DACT2: variants seen among roughly 807,000 people sequenced by gnomAD.
The protein encoded by DACT2 is dishevelled binding antagonist of beta catenin 2.
Under a neutral mutation model 22.2 loss-of-function variants are expected in DACT2, and 20 were observed. The observed-to-expected ratio is 0.90, with a 90% CI of 0.63 to 1.31. DACT2 has a LOEUF of 1.31. Ranked by LOEUF, DACT2 falls within the 50% of genes most tolerant of loss-of-function variation. The probability of loss-of-function intolerance (pLI) is 0.00; values close to 1 mark genes in which losing one functional copy is unlikely to be tolerated. For missense variants in DACT2, 1,048 were observed against 1,061.4 expected (o/e 0.99, Z 0.18); for synonymous variants, 463 against 479.8 (o/e 0.96, Z 0.46).
exon 6 of DACT2, chr6:168,293,665 A>T: frequency 1.8e-6 from 1 of 563,110 alleles, no homozygotes; most frequent in Non-Finnish European, 3.2e-6. Context: ...TCTTACGTCC[A>T]TTACTCCCTC....
At chr6:168,305,302 G>A (rs569275495), downstream of DACT2, among the ~76,000 whole-genome samples, 12 of 152,138 alleles carry the variant, frequency 7.9e-5, no homozygotes, top group Non-Finnish European at 1.3e-4. Context: ...GCACCCCTCC[G>A]GGCTGCAGGT....
chr6:168,300,965 G>A (rs577854315), intron 3 of DACT2, among the ~76,000 whole-genome samples: 16 of 152,158 alleles, frequency 1.1e-4, no homozygotes, highest in Admixed American at 3.3e-4. Flanking sequence ...CAGCCTGGGC[G>A]ACAGATTGAC....
chr6:168,308,100 C>A lies in DACT2; in HGVS notation c.1657G>T (p.Ala553Ser), dbSNP rs574255349. ...CAGGAGCGCCCGGGTGCCTCCCAGG[C>A]CAGGGCTGGCCTCCGCTGGAGCCCG... ...RGGLQRRPAL[A>S]WEAPGRSCSE... The change falls in exon 4 of 4, where the codon GCC becomes TCC. Residue 553 changes from alanine (A) to serine (S), a missense_variant. Coordinates refer to ENST00000366795, the MANE Select transcript of DACT2 (RefSeq NM_214462.5). 6.5e-7 allele frequency: 1 copy of A among 1,545,258 alleles called. No individual in the cohort carries two copies. The highest frequency in any genetic ancestry group is 2.5e-5 in the East Asian group (1 of 40,760).
At chr6:168,309,471 C>CGGA (rs1554271389) in intron 3 of DACT2, among the ~76,000 whole-genome samples, 1 of 61,986 alleles carries the variant, frequency 1.6e-5, no homozygotes. Flanking sequence ...GTGCGGGGCC[C>CGGA]TATTTGCGCC....
At position 168,308,048 on chromosome 6, in the gene DACT2, G is replaced by A. The variant is rs900387894; in HGVS notation, c.1709C>T (p.Pro570Leu). 1 of 1,548,734 alleles carries A rather than the reference G, an allele frequency of 6.5e-7. No homozygotes were observed. Among genetic ancestry groups the A allele is most frequent in the Non-Finnish European group, 8.7e-7 (1 of 1,145,408 alleles). Reference sequence around the variant, plus strand: ...GGCCACTGCCAAGGGGACGAGGACAGGCATGGGGTAGAGGGTGGACTCAGA... The same window carrying A: ...GGCCACTGCCAAGGGGACGAGGACAAGCATGGGGTAGAGGGTGGACTCAGA... ...SCSESTLYPM[P>L]VLVPLAVAPQ... Residue 570 changes from proline to leucine, a missense_variant, in exon 4 of 4, where the codon CCT (proline) becomes CTT (leucine). By Grantham distance (98) the Pro-to-Leu change is moderately conservative. Coordinates refer to ENST00000366795, the MANE Select transcript of DACT2 (RefSeq NM_214462.5).
intron 3 of DACT2, chr6:168,299,403 AG>A (rs1277662789): frequency 3.3e-5 from 5 of 152,236 alleles, no homozygotes; most frequent in African/African-American, 1.2e-4. Context: ...ACAAACTCTG[AG>A]GATCTGCCTG....
Position 168,316,248 on chromosome 6 carries a change from G to A in DACT2, c.246+3140C>T, listed in dbSNP as rs116983851. 5.3e-4 allele frequency among the ~76,000 whole-genome samples: 80 copies of A among 151,344 alleles called. 1 individual carries two copies. In the East Asian group the frequency reaches 7.6e-3, roughly 14 times the overall value. The stretch of plus-strand genomic sequence containing the variant: ...ACAGAACAGTTGAAGCCAGCATCTC[G>A]GCAGCACCTCCCTTCCCATGTGTGT... On this transcript the variant is annotated intron_variant, in intron 1 of 3. Coordinates refer to ENST00000366795, the MANE Select transcript of DACT2 (RefSeq NM_214462.5).
In DACT2 at chr6:168,307,651, G is replaced by A. The variant is rs778690232; in HGVS notation, c.2106C>T (p.Ser702=). The stretch of plus-strand genomic sequence containing the variant: ...TGCTCTGGGCGCCGCCCTCCTCGTC[G>A]CTGCTGCTGGACTCACGGTCTCCGA... The part of the protein sequence containing the change: ...NRFGDRESSS[S]DEEGGAQSRD... The change falls in exon 4 of 4, where the codon AGC becomes AGT. Residue 702 remains serine, a synonymous_variant. Transcript: ENST00000366795. This position sits in a 1 kb window ranked among gnomAD's most constrained non-coding sequence, Gnocchi z 5.3. 37 of 1,547,436 alleles carry A rather than the reference G, an allele frequency of 2.4e-5. No individual in the cohort carries two copies. In the African/African-American group the frequency reaches 3.4e-4, roughly 14 times the overall value.
At chr6:168,306,345 C>T (rs563086712), downstream of DACT2, among the ~76,000 whole-genome samples, 8 of 152,190 alleles carry the variant, frequency 5.3e-5, no homozygotes, top group African/African-American at 1.9e-4. Flanking sequence ...GAAAACACTG[C>T]TATCTTTCTT....
chr6:168,310,858 G>T (rs1779379885), intron 2 of DACT2, among the ~76,000 whole-genome samples: 1 of 152,184 alleles, frequency 6.6e-6, no homozygotes, highest in Non-Finnish European at 1.5e-5. Flanking sequence ...CCAGTCTGGG[G>T]AGGTGCTTCA....
intron 1 of DACT2, 63 bp downstream of exon 1, chr6:168,319,325 C>G: frequency 1.7e-6 from 2 of 1,171,966 alleles, no homozygotes; most frequent in Admixed American, 4.6e-5. Context: ...CAGTCGCTGC[C>G]GAAGGAGCAG....
chr6:168,315,799 T>C (rs12527438), intron 1 of DACT2, among the ~76,000 whole-genome samples: 22,573 of 152,206 alleles, frequency 0.15, 2,258 homozygotes, highest in East Asian at 0.35. Flanking sequence ...ACCTGAATGA[T>C]GACCAATGGA....
chr6:168,301,419 C>T (rs995014614), intron 3 of DACT2, among the ~76,000 whole-genome samples: 15 of 152,252 alleles, frequency 9.9e-5, no homozygotes, highest in African/African-American at 3.6e-4. Context: ...AGAAAGCCGA[C>T]TCCTTTTCTG....
At chr6:168,299,248 G>A (rs749784151) in intron 3 of DACT2, 5 of 152,126 alleles carry the variant, frequency 3.3e-5, no homozygotes, top group African/African-American at 4.8e-5. Context: ...CCCCAGCTTA[G>A]GCATAATTTG....
chr6:168,293,374 T>C (rs2114888902), exon 6 of DACT2: 1 of 153,628 alleles, frequency 6.5e-6, no homozygotes, highest in South Asian at 2.0e-4. Flanking sequence ...TATATGCACG[T>C]AAACTGGAAC....
At chr6:168,302,610 G>T (rs192734007), downstream of DACT2, among the ~76,000 whole-genome samples, 88 of 152,302 alleles carry the variant, frequency 5.8e-4, no homozygotes, top group African/African-American at 2.1e-3. Flanking sequence ...AGGAGCCCAA[G>T]GCTATGTGAG....
chr6:168,305,356 A>ACGGGCAC (rs2114900273), downstream of DACT2, among the ~76,000 whole-genome samples: 1 of 142,058 alleles, frequency 7.0e-6, no homozygotes, highest in African/African-American at 3.1e-5. Flanking sequence ...TTTCTAAAAG[A>ACGGGCAC]CGGGCACTGT....
intron 3 of DACT2, among the ~76,000 whole-genome samples, chr6:168,297,738 A>T (rs1356400921): frequency 6.6e-6 from 1 of 152,252 alleles, no homozygotes; most frequent in Non-Finnish European, 1.5e-5. Flanking sequence ...GCGTGGACAG[A>T]AAGACAGAGA....
chr6:168,305,184 C>G (rs1779179834), downstream of DACT2, among the ~76,000 whole-genome samples: 1 of 152,124 alleles, frequency 6.6e-6, no homozygotes, highest in Admixed American at 6.5e-5. Context: ...TCACTGAGGA[C>G]CCTTCCTGCC....
Sources: allele counts gnomAD v4.1 joint callset (sites outside exome capture counted in the v4.1 genomes callset), GRCh38; gene constraint gnomAD v4.1.1; non-coding constraint Gnocchi (gnomAD v3.1); transcripts MANE v1.5; gene names NCBI Gene and HGNC (gene_info 2026-07-23, HGNC 2026-07-21).